CRTAM: variants seen among roughly 807,000 people sequenced by gnomAD.
CRTAM encodes cytotoxic and regulatory T cell molecule.
A neutral mutation model predicts 50.0 loss-of-function variants in CRTAM; 44 were observed. That is an observed-to-expected ratio of 0.88 (90% confidence interval 0.69 to 1.13). CRTAM has a LOEUF of 1.13. Among genes scored for constraint, CRTAM ranks in the 50% most tolerant of loss-of-function variants. The pLI is 0.00. For missense variants in CRTAM, 448 were observed against 457.5 expected, an observed-to-expected ratio of 0.98 and a Z score of 0.19; for synonymous variants, 159 against 169.3, an observed-to-expected ratio of 0.94 and a Z score of 0.47.
At chr11:122,863,999 A>AC (rs1025722764) in intron 6 of CRTAM, among the ~76,000 whole-genome samples, 1 of 152,192 alleles carries the variant, frequency 6.6e-6, no homozygotes, top group African/African-American at 2.4e-5. Flanking sequence ...GGAAAAAAAA[A>AC]CCACACAGTT....
Position 122,867,394 on chromosome 11 carries a change from TCA to T in CRTAM, c.818-14_818-13del. The T allele has an allele frequency of 6.3e-7, 1 of 1,598,850 alleles. No homozygotes were observed. Among genetic ancestry groups the T allele is most frequent in the Admixed American group, 1.8e-5 (1 of 55,762 alleles). On this transcript the variant is annotated splice_polypyrimidine_tract_variant and intron_variant, in intron 7 of 9. Coordinates refer to ENST00000227348, the MANE Select transcript of CRTAM (RefSeq NM_019604.4). Reference sequence around the variant, plus strand: ...AACCCAAAGTATCTAAACTCCTTTTTCATTTTCCTTATAGAAGCAAATCCTCA... The same window carrying T: ...AACCCAAAGTATCTAAACTCCTTTTTTTTTCCTTATAGAAGCAAATCCTCA...
rs1399898838 is a variant in CRTAM, at chr11:122,871,414, G to C, written c.*15G>C. 2 of 1,602,936 alleles carry C rather than the reference G, an allele frequency of 1.2e-6. No individual in the cohort carries two copies. The highest frequency in any genetic ancestry group is 3.4e-5 in the Admixed American group (2 of 58,984). ...GTATTGTGTAGTGCTCTCTGCAATG[G>C]AACATGTGATTTCAGGGTTGCCGCA... On this transcript the variant is annotated 3_prime_UTR_variant, in exon 10 of 10. Coordinates refer to ENST00000227348, the MANE Select transcript of CRTAM (RefSeq NM_019604.4).
At chr11:122,868,212 GT>G in intron 9 of CRTAM, 113 bp downstream of exon 9, 2 of 608,684 alleles carry the variant, frequency 3.3e-6, no homozygotes, top group South Asian at 2.1e-5. Flanking sequence ...GTGTGTGTGT[GT>G]GTGTGTGTGT....
At chr11:122,862,580 A>C (rs1304943575) in intron 6 of CRTAM, 36 bp downstream of exon 6, 3 of 1,298,152 alleles carry the variant, frequency 2.3e-6, no homozygotes, top group Admixed American at 2.1e-5. Context: ...GTTTTTAAAA[A>C]ATCACGTTTC....
intron 3 of CRTAM, 74 bp downstream of exon 3, chr11:122,851,919 C>A: frequency 7.2e-7 from 1 of 1,389,208 alleles, no homozygotes; most frequent in Non-Finnish European, 1.0e-6. Flanking sequence ...TAAACTGAAC[C>A]TTTTAGTTTA....
chr11:122,871,119 C>A, intron 9 of CRTAM, 150 bp from the exon 10 acceptor site: 1 of 696,670 alleles, frequency 1.4e-6, no homozygotes, highest in South Asian at 2.2e-5. Context: ...ATAATAATGC[C>A]TTCAGACCAT....
intron 1 of CRTAM, among the ~76,000 whole-genome samples, chr11:122,848,178 G>A (rs899956250): frequency 5.9e-5 from 9 of 152,228 alleles, no homozygotes; most frequent in East Asian, 1.9e-4. Context: ...CCCTGAGTGA[G>A]TCTAACATAC....
intron 3 of CRTAM, among the ~76,000 whole-genome samples, chr11:122,852,051 C>T (rs1681729205): frequency 2.0e-5 from 3 of 152,060 alleles, no homozygotes; most frequent in Non-Finnish European, 4.4e-5. Flanking sequence ...TGAAATTTGT[C>T]TTTGACAGCA....
chr11:122,850,818 A>C (rs1861920935), intron 2 of CRTAM, among the ~76,000 whole-genome samples: 2 of 152,372 alleles, frequency 1.3e-5, no homozygotes, highest in South Asian at 4.1e-4. Context: ...AAGACTCTTA[A>C]GAATCTCTTG....
Position 122,868,098 on chromosome 11 carries a change from A to C in CRTAM, c.1050A>C (p.Gln350His). The C allele has an allele frequency of 6.3e-7, 1 of 1,582,880 alleles. No individual in the cohort carries two copies. The highest frequency in any genetic ancestry group is 8.7e-7 in the Non-Finnish European group (1 of 1,152,078). Residue 350 changes from glutamine to histidine, a missense_variant and splice_region_variant, in exon 9 of 10, where the codon CAA becomes CAC. Coordinates refer to ENST00000227348, the MANE Select transcript of CRTAM (RefSeq NM_019604.4). ...EETSSEEKNG[Q>H]SSHPMRCMNY... is the part of the protein sequence containing the mutation. ...CATCATCTGAAGAGAAAAATGGCCAATGTAAGTCAACTGTATGACCTGAGA... is the reference window on the plus strand; with the variant it reads ...CATCATCTGAAGAGAAAAATGGCCACTGTAAGTCAACTGTATGACCTGAGA...
chr11:122,854,888 G>A (rs899709915), intron 4 of CRTAM, among the ~76,000 whole-genome samples: 1 of 152,096 alleles, frequency 6.6e-6, no homozygotes, highest in Admixed American at 6.5e-5. Context: ...TAATTATGGT[G>A]TCTGGGTACT....
chr11:122,847,374 A>G (rs1274653569), intron 1 of CRTAM, among the ~76,000 whole-genome samples: 1 of 152,174 alleles, frequency 6.6e-6, no homozygotes, highest in Non-Finnish European at 1.5e-5. Flanking sequence ...GACAGATAAG[A>G]CAATCAAGAG....
rs551481612 is a variant in CRTAM at position 122,849,384 on chromosome 11, G to A, written c.47-684G>A. 7.9e-5 allele frequency among the ~76,000 whole-genome samples: 12 copies of A among 152,270 alleles called. No individual in the cohort carries two copies. The East Asian group carries it at 1.5e-3, about 20-fold the overall frequency. On this transcript the variant is annotated intron_variant, in intron 1 of 9. Transcript: ENST00000227348. ...TGTTACCTTGAGCCTCTATTCCCTC[G>A]TCTGTAAAGTGAGCACAATTCTTCC... is the stretch of plus-strand genomic sequence containing the variant.
intron 1 of CRTAM, among the ~76,000 whole-genome samples, chr11:122,841,073 C>T (rs1861791760): frequency 1.3e-5 from 2 of 152,138 alleles, no homozygotes; most frequent in African/African-American, 4.8e-5. Context: ...AGGAAAAAGT[C>T]ACATGTTAGA....
intron 9 of CRTAM, among the ~76,000 whole-genome samples, chr11:122,868,302 G>A (rs1364510180): frequency 1.3e-5 from 2 of 151,492 alleles, no homozygotes; most frequent in Non-Finnish European, 2.9e-5. Flanking sequence ...TCCTTGGACA[G>A]GAGGTCTGCA....
At chr11:122,851,878 C>T (rs762096709) in intron 3 of CRTAM, 33 bp downstream of exon 3, 10 of 1,600,946 alleles carry the variant, frequency 6.2e-6, no homozygotes, top group Non-Finnish European at 8.6e-6. Context: ...AGTAGGGGAG[C>T]AATATGGATA....
At chr11:122,867,657 A>G in intron 8 of CRTAM, 102 bp downstream of exon 8, 3 of 1,178,940 alleles carry the variant, frequency 2.5e-6, no homozygotes, top group Non-Finnish European at 3.6e-6. Context: ...GACACTACAT[A>G]ATCTATTTGA....
At position 122,871,446 on chromosome 11, in the gene CRTAM, C is replaced by A. The variant is rs56148911; in HGVS notation, c.*47C>A. On this transcript the variant is annotated 3_prime_UTR_variant, in exon 10 of 10. Coordinates refer to ENST00000227348, the MANE Select transcript of CRTAM (RefSeq NM_019604.4). ...TGATTTCAGGGTTGCCGCAGTGTCA[C>A]CTCAGTGGACCAGCCTGGGGGAAGG... The A allele has an allele frequency of 0.11, 176,339 of 1,561,148 alleles. 10,737 individuals are homozygous for A. The highest frequency in any genetic ancestry group is 0.15 in the African/African-American group (11,120 of 73,842).
At chr11:122,859,172 G>A (rs759999809) in intron 5 of CRTAM, among the ~76,000 whole-genome samples, 3 of 152,032 alleles carry the variant, frequency 2.0e-5, no homozygotes, top group South Asian at 4.1e-4. Context: ...GCAGTGGCCC[G>A]ATCTCAGCTC....
Sources: gnomAD v4.1 joint callset for allele counts (sites outside exome capture counted in the v4.1 genomes callset) on GRCh38, gnomAD v4.1.1 for gene constraint, MANE v1.5 for transcripts, NCBI Gene and HGNC (gene_info 2026-07-23, HGNC 2026-07-21) for gene names.